MTUS2: variants seen among roughly 807,000 people sequenced by gnomAD.
The protein encoded by MTUS2 is microtubule associated scaffold protein 2.
In MTUS2, 40 loss-of-function variants were observed where a neutral mutation model predicts 114.1. That is an observed-to-expected ratio of 0.35 (90% CI 0.27 to 0.46). MTUS2 has a LOEUF of 0.46. Ranked by LOEUF, MTUS2 falls within the 20% of genes least tolerant of loss-of-function variation. MTUS2 has a pLI of 1.00. For missense variants in MTUS2, 1,679 were observed against 1,705.4 expected, an observed-to-expected ratio of 0.98 and a Z score of 0.27; for synonymous variants, 688 against 672.0, an observed-to-expected ratio of 1.02 and a Z score of -0.37.
At chr13:29,178,476 T>C (rs1470959928) in intron 5 of MTUS2, among the ~76,000 whole-genome samples, 1 of 152,176 alleles carries the variant, frequency 6.6e-6, no homozygotes, top group African/African-American at 2.4e-5. Context: ...ACCTTAGCCC[T>C]ACTGGAGTTT....
intron 5 of MTUS2, among the ~76,000 whole-genome samples, chr13:29,229,033 C>T (rs1896220878): frequency 6.6e-6 from 1 of 152,110 alleles, no homozygotes; most frequent in South Asian, 2.1e-4. Flanking sequence ...CACGAAGGTC[C>T]TGTTGATTCT....
intron 5 of MTUS2, among the ~76,000 whole-genome samples, chr13:29,194,787 C>T (rs1445124088): frequency 6.6e-6 from 1 of 152,072 alleles, no homozygotes; most frequent in African/African-American, 2.4e-5. Context: ...TATAAAGACA[C>T]ATGCACATGC....
chr13:28,930,681 G>T (rs570683088), intron 2 of MTUS2, among the ~76,000 whole-genome samples: 39 of 152,266 alleles, frequency 2.6e-4, no homozygotes, highest in African/African-American at 9.4e-4. Context: ...GTTTAATTGG[G>T]TACTTTCCTT....
intron 2 of MTUS2, among the ~76,000 whole-genome samples, chr13:28,872,702 G>GC (rs1167273613): frequency 6.6e-6 from 1 of 152,140 alleles, no homozygotes; most frequent in Admixed American, 6.5e-5. Context: ...CTCACACATT[G>GC]CCTCCTCTCC....
chr13:29,076,253 C>G (rs1446162008), intron 4 of MTUS2, among the ~76,000 whole-genome samples: 5 of 152,166 alleles, frequency 3.3e-5, no homozygotes, highest in African/African-American at 4.8e-5. Context: ...CCACTCATTG[C>G]CTGGCTTCAA....
intron 5 of MTUS2, among the ~76,000 whole-genome samples, chr13:29,139,592 A>ACT (rs1892129742): frequency 6.6e-6 from 1 of 152,142 alleles, no homozygotes; most frequent in African/African-American, 2.4e-5. Context: ...ATTTGAGACA[A>ACT]AGAATTTTGT....
chr13:29,196,328 C>T (rs1894699677), intron 5 of MTUS2, among the ~76,000 whole-genome samples: 1 of 152,016 alleles, frequency 6.6e-6, no homozygotes, highest in Admixed American at 6.6e-5. Context: ...GAACTCCTGA[C>T]CTCAGGGATC....
chr13:28,882,515 T>C (rs895259324), intron 2 of MTUS2, among the ~76,000 whole-genome samples: 15 of 152,080 alleles, frequency 9.9e-5, no homozygotes, highest in Admixed American at 7.2e-4. Flanking sequence ...GTGGGAGGAT[T>C]GCTTGAGGAC....
At chr13:28,831,727 T>C (rs150077076) in intron 1 of MTUS2, among the ~76,000 whole-genome samples, 4,631 of 148,680 alleles carry the variant, frequency 0.031, 78 homozygotes, top group Non-Finnish European at 0.038. Flanking sequence ...CTCCCTCCCT[T>C]CCTTCCTTTC....
At chr13:29,117,592 A>G (rs778498557) in intron 5 of MTUS2, among the ~76,000 whole-genome samples, 2 of 151,818 alleles carry the variant, frequency 1.3e-5, no homozygotes, top group Admixed American at 1.3e-4. Context: ...ACATGTACAC[A>G]CTCCCCACCT....
rs558803105 is a variant in MTUS2, at chr13:29,425,235, GA to G, written c.3118-14745del. Among the ~76,000 whole-genome samples, 515 of 152,258 alleles carry G rather than the reference GA, an allele frequency of 3.4e-3. 6 individuals carry two copies. Among genetic ancestry groups the G allele is most frequent in the African/African-American group, 0.012 (492 of 41,552 alleles). On this transcript the variant is annotated intron_variant, in intron 8 of 15. Transcript: ENST00000612955. ...TTGAGACCAGCCTGGCCAACATGGT[GA>G]AACCCCATCTCTACTAAAATACAAG...
intron 2 of MTUS2, among the ~76,000 whole-genome samples, chr13:28,993,308 A>G (rs1336130375): frequency 3.9e-5 from 6 of 152,084 alleles, no homozygotes; most frequent in Admixed American, 3.9e-4. Flanking sequence ...TTTTTGAGGA[A>G]TTGCCGTACT....
intron 6 of MTUS2, among the ~76,000 whole-genome samples, chr13:29,289,464 CTTTT>C (rs532952669): frequency 2.9e-5 from 4 of 139,714 alleles, no homozygotes; most frequent in African/African-American, 2.7e-5. Flanking sequence ...GTAGGCATTT[CTTTT>C]TTTTTTTTTT....
chr13:28,988,533 A>G (rs1884686616), intron 2 of MTUS2, among the ~76,000 whole-genome samples: 1 of 152,208 alleles, frequency 6.6e-6, no homozygotes, highest in Non-Finnish European at 1.5e-5. Context: ...GAAAACAGAA[A>G]ATTAGAGAAA....
chr13:28,874,043 G>C (rs1355502524), intron 2 of MTUS2, among the ~76,000 whole-genome samples: 1 of 151,956 alleles, frequency 6.6e-6, no homozygotes, highest in Non-Finnish European at 1.5e-5. Flanking sequence ...TTTTGAGATG[G>C]AGTCTCGCTC....
chr13:29,148,608 A>T (rs1892540119), intron 5 of MTUS2, among the ~76,000 whole-genome samples: 2 of 111,762 alleles, frequency 1.8e-5, no homozygotes, highest in South Asian at 6.6e-4. Context: ...CCTCCCAAGT[A>T]GCTGGGACTA....
chr13:29,083,826 T>A (rs2479788), intron 4 of MTUS2, among the ~76,000 whole-genome samples: 147,807 of 152,268 alleles, frequency 0.97, 71,836 homozygotes, highest in Non-Finnish European at 1. Flanking sequence ...ATATGTCAAA[T>A]TCTTAATTAT....
chr13:29,371,367 G>A (rs1359871211), intron 8 of MTUS2, among the ~76,000 whole-genome samples: 13 of 145,354 alleles, frequency 8.9e-5, no homozygotes, highest in Non-Finnish European at 1.6e-4. Flanking sequence ...ACAGGCGCCC[G>A]CCACCATGCC....
At chr13:29,129,202 T>A (rs1891648795) in intron 5 of MTUS2, among the ~76,000 whole-genome samples, 1 of 152,022 alleles carries the variant, frequency 6.6e-6, no homozygotes, top group Non-Finnish European at 1.5e-5. Flanking sequence ...TTTTTTTTTT[T>A]TTTTTCCCCA....
Sources: allele counts gnomAD v4.1 joint callset (sites outside exome capture counted in the v4.1 genomes callset), GRCh38; gene constraint gnomAD v4.1.1; transcripts MANE v1.5; gene names NCBI Gene and HGNC (gene_info 2026-07-23, HGNC 2026-07-21).